Variants in PCLO observed in about 807,000 individuals in gnomAD.
The protein encoded by PCLO is protein piccolo.
PCLO carries 82 observed loss-of-function variants against 427.5 expected under a neutral mutation model. That is an observed-to-expected ratio of 0.19 (90% confidence interval 0.16 to 0.23). The LOEUF is 0.23. PCLO is among the 10% of genes least tolerant of loss of function. The pLI, the probability that PCLO is intolerant of heterozygous loss-of-function variation, is 1.00. For synonymous variants in PCLO, 2,357 were observed against 2,155.4 expected (o/e 1.09, Z -2.59); for missense variants, 6,239 against 6,115.9 (o/e 1.02, Z -0.67).
At chr7:82,795,852 G>A (rs1791212257) in intron 22 of PCLO, among the ~76,000 whole-genome samples, 1 of 151,904 alleles carries the variant, frequency 6.6e-6, no homozygotes, top group South Asian at 2.1e-4. Context: ...AAATATTCTT[G>A]GCTTATATTC....
intron 3 of PCLO, among the ~76,000 whole-genome samples, chr7:83,042,811 G>A (rs890812910): frequency 4.6e-5 from 7 of 152,246 alleles, no homozygotes; most frequent in African/African-American, 1.4e-4. Context: ...GCAGTCAGCC[G>A]AGATGGCACC....
chr7:83,154,155 T>C lies in PCLO; in HGVS notation c.1893+593A>G, dbSNP rs76760340. Among the ~76,000 whole-genome samples the C allele has an allele frequency of 3.0e-3, 451 of 152,302 alleles. 4 individuals carry two copies. Among genetic ancestry groups the C allele is most frequent in the Non-Finnish European group, 5.0e-3 (343 of 68,016 alleles). The stretch of plus-strand genomic sequence containing the variant: ...CAAGCCTAGGCGATATAAACTGTCA[T>C]CTGAGAAGTCAGCCATATATTCTGA... On this transcript the variant is annotated intron_variant, in intron 2 of 24. Coordinates refer to ENST00000333891, the MANE Select transcript of PCLO (RefSeq NM_033026.6).
At chr7:82,844,861 T>C (rs1009011040) in intron 13 of PCLO, among the ~76,000 whole-genome samples, 3 of 152,170 alleles carry the variant, frequency 2.0e-5, no homozygotes, top group Non-Finnish European at 4.4e-5. Flanking sequence ...TTGTTTGTTA[T>C]TGTCTTAAAT....
At chr7:83,101,069 G>C (rs760317730) in intron 3 of PCLO, among the ~76,000 whole-genome samples, 1 of 151,698 alleles carries the variant, frequency 6.6e-6, no homozygotes, top group Non-Finnish European at 1.5e-5. Context: ...TACCTTTCAA[G>C]GTCCTTTACT....
chr7:82,811,329 CTT>C (rs1236984263), intron 20 of PCLO, among the ~76,000 whole-genome samples: 1 of 151,440 alleles, frequency 6.6e-6, no homozygotes, highest in African/African-American at 2.4e-5. Flanking sequence ...TTTCTCCTCT[CTT>C]TCTTTGTTTC....
At position 83,162,601 on chromosome 7, in the gene PCLO, G is replaced by A. The variant is rs1792475004; in HGVS notation, c.-9C>T. ...CTCGCCTCGTTGCCCATGGCTCAGG[G>A]AGACTCGGGGCCGCCGCGCTCCCTC... On this transcript the variant is annotated 5_prime_UTR_variant, in exon 1 of 25. Transcript: ENST00000333891. 2 of 1,531,348 alleles carry A rather than the reference G, an allele frequency of 1.3e-6. No individual in the cohort carries two copies. Among genetic ancestry groups the A allele is most frequent in the Non-Finnish European group, 1.8e-6 (2 of 1,140,832 alleles). The allele number at this position is 1,531,348 out of a possible 1,614,324, so 94.9% of individuals were successfully genotyped here. A position where few individuals can be genotyped will look rare whatever the true frequency, so the allele number is the denominator to read the frequency against.
At chr7:83,116,085 C>T (rs994991117) in intron 3 of PCLO, among the ~76,000 whole-genome samples, 2 of 151,532 alleles carry the variant, frequency 1.3e-5, no homozygotes, top group African/African-American at 4.8e-5. Flanking sequence ...ATTTTTTCTC[C>T]AATAGTAAGA....
rs1554333552 is a variant in PCLO at position 82,794,459 on chromosome 7, C to CTG, written c.15007+7058_15007+7059insCA. Reference sequence around the variant, plus strand: ...ACATGCTAGTTCATAAATTTTTTTTCTTTTTTTTTTTTTTTTTTTTTTTTT... The same window carrying CTG: ...ACATGCTAGTTCATAAATTTTTTTTCTGTTTTTTTTTTTTTTTTTTTTTTTTT... On this transcript the variant is annotated intron_variant, in intron 22 of 24. Coordinates refer to ENST00000333891, the MANE Select transcript of PCLO (RefSeq NM_033026.6). Among the ~76,000 whole-genome samples the CTG allele has an allele frequency of 1.7e-3, 96 of 56,364 alleles. 12 individuals are homozygous for CTG. Among genetic ancestry groups the CTG allele is most frequent in the African/African-American group, 3.5e-3 (78 of 22,582 alleles). The allele number at this position is 56,364 out of a possible 152,430, so 37.0% of individuals were successfully genotyped here. A position where few individuals can be genotyped will look rare whatever the true frequency, so the allele number is the denominator to read the frequency against.
At position 82,835,802 on chromosome 7, in the gene PCLO, T is replaced by A. The variant is rs367583164; in HGVS notation, c.14223-109A>T. On this transcript the variant is annotated intron_variant, in intron 15 of 24. Transcript: ENST00000333891. The stretch of plus-strand genomic sequence containing the variant: ...AGAAAGAAAACATGAAAATAATAAC[T>A]AGAGGAGCTATCCCATAACATAAAT... 6.4e-5 allele frequency: 51 copies of A among 797,692 alleles called. 1 individual carries two copies. In the African/African-American group the frequency reaches 7.5e-4, roughly 12 times the overall value. 49.4% of individuals were successfully genotyped at this position (797,692 alleles called of 1,614,324 possible).
At position 83,126,280 on chromosome 7, in the gene PCLO, C is replaced by T. The variant is rs374344643; in HGVS notation, c.3300+7970G>A. 1.1e-4 allele frequency among the ~76,000 whole-genome samples: 17 copies of T among 152,204 alleles called. No homozygotes were observed. The East Asian group carries it at 3.3e-3, about 29-fold the overall frequency. On this transcript the variant is annotated intron_variant, in intron 3 of 24. Transcript: ENST00000333891. Reference sequence around the variant, plus strand: ...GGGATAGTTAATGAGTACAAAAATACAGATAGAATGAATCAGATTTAGTAT... The same window carrying T: ...GGGATAGTTAATGAGTACAAAAATATAGATAGAATGAATCAGATTTAGTAT...
At chr7:82,854,200 C>T (rs1792742132) in intron 10 of PCLO, among the ~76,000 whole-genome samples, 1 of 152,028 alleles carries the variant, frequency 6.6e-6, no homozygotes, top group African/African-American at 2.4e-5. Context: ...TGGTGTCCCC[C>T]TTACTGAGTT....
intron 18 of PCLO, among the ~76,000 whole-genome samples, chr7:82,825,618 A>T (rs543237971): frequency 6.7e-6 from 1 of 148,222 alleles, no homozygotes; most frequent in South Asian, 2.1e-4. Context: ...GTATGTGTGT[A>T]TATATATTAT....
chr7:82,901,125 T>C (rs1794027941), intron 9 of PCLO, among the ~76,000 whole-genome samples: 1 of 151,908 alleles, frequency 6.6e-6, no homozygotes, highest in African/African-American at 2.4e-5. Context: ...ACCATGTGCA[T>C]TAAAACATAT....
At chr7:83,118,535 G>T (rs1218506772) in intron 3 of PCLO, among the ~76,000 whole-genome samples, 1 of 151,760 alleles carries the variant, frequency 6.6e-6, no homozygotes, top group South Asian at 2.1e-4. Flanking sequence ...TTCTACCCTT[G>T]GAAGAGGGAG....
rs189028174 is a variant in PCLO at position 82,980,557 on chromosome 7, G to A, written c.3301-14070C>T. ...CTTTCCAAGCCTTTGATTGTGCTCA[G>A]TGGGCTTGGCTGAAAAATAGAATTT... On this transcript the variant is annotated intron_variant, in intron 3 of 24. Coordinates refer to ENST00000333891, the MANE Select transcript of PCLO (RefSeq NM_033026.6). 3.3e-3 allele frequency among the ~76,000 whole-genome samples: 505 copies of A among 152,282 alleles called. 3 individuals are homozygous for A. The highest frequency in any genetic ancestry group is 5.9e-3 in the Non-Finnish European group (404 of 68,036).
intron 3 of PCLO, among the ~76,000 whole-genome samples, chr7:83,075,947 C>A (rs764398942): frequency 1.3e-5 from 2 of 151,806 alleles, no homozygotes; most frequent in Non-Finnish European, 2.9e-5. Flanking sequence ...GAATTTTACA[C>A]AGGAAAACTT....
intron 8 of PCLO, among the ~76,000 whole-genome samples, chr7:82,905,864 C>T (rs973103594): frequency 6.6e-6 from 1 of 151,840 alleles, no homozygotes; most frequent in Admixed American, 6.6e-5. Flanking sequence ...GAAGTGCTGA[C>T]CTTTACAACC....
intron 3 of PCLO, among the ~76,000 whole-genome samples, chr7:83,093,158 ATAT>A (rs1168590734): frequency 6.6e-6 from 1 of 151,848 alleles, no homozygotes; most frequent in Non-Finnish European, 1.5e-5. Context: ...ATGCAGAAAA[ATAT>A]TATTTCACAT....
chr7:82,818,135 G>A (rs891327755), intron 20 of PCLO, among the ~76,000 whole-genome samples: 3 of 152,064 alleles, frequency 2.0e-5, no homozygotes, highest in African/African-American at 7.2e-5. Context: ...TTTTAACTAC[G>A]GAGAGTTGTT....
Sources: allele counts gnomAD v4.1 joint callset (sites outside exome capture counted in the v4.1 genomes callset), GRCh38; gene constraint gnomAD v4.1.1; transcripts MANE v1.5; gene names NCBI Gene and HGNC (gene_info 2026-07-23, HGNC 2026-07-21).